The following CTNNA3 variants were observed in gnomAD, a reference collection of about 807,000 sequenced individuals.
CTNNA3 encodes the protein catenin alpha 3, also known as catenin alpha-3.
A neutral mutation model predicts 95.7 loss-of-function variants in CTNNA3; 76 were observed. The ratio of observed to expected loss-of-function variants is 0.79; its 90% CI spans 0.66 to 0.96. The LOEUF is 0.96. CTNNA3 is among the 40% of genes least tolerant of loss of function. CTNNA3 has a pLI of 0.00. For synonymous variants in CTNNA3, 431 were observed against 374.4 expected (o/e 1.15, Z -1.74); for missense variants, 1,191 against 1,089.8 (o/e 1.09, Z -1.31).
intron 17 of CTNNA3, among the ~76,000 whole-genome samples, chr10:65,957,750 G>T (rs2077762279): frequency 6.6e-6 from 1 of 152,198 alleles, no homozygotes; most frequent in Admixed American, 6.5e-5. Flanking sequence ...TCTGCCGAGA[G>T]ATCTGCTGTT....
intron 11 of CTNNA3, among the ~76,000 whole-genome samples, chr10:66,385,479 C>A (rs1399709255): frequency 6.6e-6 from 1 of 152,052 alleles, no homozygotes; most frequent in Non-Finnish European, 1.5e-5. Flanking sequence ...AGTCCAGGAC[C>A]AGAAGGATTC....
intron 3 of CTNNA3, among the ~76,000 whole-genome samples, chr10:67,592,041 T>C (rs1192874278): frequency 1.3e-5 from 2 of 152,096 alleles, no homozygotes; most frequent in African/African-American, 4.8e-5. Flanking sequence ...CTTTCATCCC[T>C]ATCTTACCCC....
At chr10:66,088,929 G>T (rs150647228) in intron 14 of CTNNA3, among the ~76,000 whole-genome samples, 58 of 152,070 alleles carry the variant, frequency 3.8e-4, no homozygotes, top group African/African-American at 1.3e-3. Flanking sequence ...GTGGGGTGAG[G>T]AGTCATTTCT....
intron 1 of CTNNA3, among the ~76,000 whole-genome samples, chr10:67,659,068 G>A (rs1840106257): frequency 6.6e-6 from 1 of 151,730 alleles, no homozygotes; most frequent in South Asian, 2.1e-4. Context: ...AATTAAACAT[G>A]TTTCCTCACA....
At chr10:67,554,320 T>C (rs543183242) in intron 3 of CTNNA3, among the ~76,000 whole-genome samples, 10 of 152,340 alleles carry the variant, frequency 6.6e-5, no homozygotes, top group African/African-American at 2.2e-4. Context: ...TTCTACATCC[T>C]TGAGGAATTG....
At chr10:67,745,796 A>G (rs1433540895) in intron 1 of CTNNA3, among the ~76,000 whole-genome samples, 1 of 152,148 alleles carries the variant, frequency 6.6e-6, no homozygotes, top group African/African-American at 2.4e-5. Flanking sequence ...AATCTGAAAA[A>G]GAAATTAAGA....
intron 14 of CTNNA3, chr10:66,098,870 C>T (rs1237549072): frequency 6.6e-6 from 1 of 152,164 alleles, no homozygotes; most frequent in African/African-American, 2.4e-5. Context: ...ACTGCTATTT[C>T]CATTGTCACT....
chr10:67,727,645 ATTAT>A (rs1841245487), intron 1 of CTNNA3, among the ~76,000 whole-genome samples: 1 of 128,220 alleles, frequency 7.8e-6, no homozygotes, highest in East Asian at 2.1e-4. Context: ...ATTATATATT[ATTAT>A]ATTATATATG....
rs184496633 is a variant in CTNNA3 at position 66,685,263 on chromosome 10, G to A, written c.1282-63479C>T. On this transcript the variant is annotated intron_variant, in intron 9 of 17. Coordinates refer to ENST00000433211, the MANE Select transcript of CTNNA3 (RefSeq NM_013266.4). ...TGTGTGTATATATACGTATATATGT[G>A]TGTATATATACGTATATATAAGTAT... Among the ~76,000 whole-genome samples the A allele has an allele frequency of 6.4e-4, 78 of 122,378 alleles. 3 individuals carry two copies. The East Asian group carries it at 0.017, about 27-fold the overall frequency. The allele number at this position is 122,378 out of a possible 152,430, so 80.3% of individuals were successfully genotyped here. A position where few individuals can be genotyped will look rare whatever the true frequency, so the allele number is the denominator to read the frequency against.
intron 1 of CTNNA3, among the ~76,000 whole-genome samples, chr10:67,685,647 A>T (rs551788526): frequency 6.6e-6 from 1 of 152,358 alleles, no homozygotes; most frequent in East Asian, 1.9e-4. Flanking sequence ...ACAAGGTGGT[A>T]TTTGAGTGTT....
At chr10:67,312,133 C>T (rs1453122534) in intron 5 of CTNNA3, among the ~76,000 whole-genome samples, 4 of 149,896 alleles carry the variant, frequency 2.7e-5, no homozygotes, top group Admixed American at 2.0e-4. Flanking sequence ...AGTGCAGTGG[C>T]ACAATCTCGG....
chr10:66,802,929 C>A (rs540808046), intron 7 of CTNNA3, among the ~76,000 whole-genome samples: 2 of 151,962 alleles, frequency 1.3e-5, no homozygotes, highest in South Asian at 4.1e-4. Context: ...TCAAAGAAAT[C>A]TGAACCTTGA....
At chr10:67,051,376 T>C (rs1434762534) in intron 7 of CTNNA3, among the ~76,000 whole-genome samples, 1 of 152,224 alleles carries the variant, frequency 6.6e-6, no homozygotes, top group Admixed American at 6.5e-5. Flanking sequence ...TTTCAATTGA[T>C]CTATTTTCCC....
intron 2 of CTNNA3, among the ~76,000 whole-genome samples, chr10:67,607,368 A>C (rs551942728): frequency 9.2e-5 from 14 of 152,352 alleles, no homozygotes; most frequent in African/African-American, 3.4e-4. Context: ...TTTGTTATTA[A>C]GAAAATCATA....
intron 17 of CTNNA3, among the ~76,000 whole-genome samples, chr10:65,931,276 C>A (rs548929645): frequency 5.8e-4 from 89 of 152,304 alleles, no homozygotes; most frequent in African/African-American, 2.1e-3. Context: ...TTTTGAAATA[C>A]ATATCTTTCT....
At chr10:66,301,262 A>G (rs2091859354) in intron 12 of CTNNA3, among the ~76,000 whole-genome samples, 1 of 152,066 alleles carries the variant, frequency 6.6e-6, no homozygotes, top group Admixed American at 6.6e-5. Context: ...AGGAAATTAT[A>G]CCAATTCTTT....
At chr10:67,225,792 C>A (rs1431335808) in intron 5 of CTNNA3, among the ~76,000 whole-genome samples, 1 of 152,130 alleles carries the variant, frequency 6.6e-6, no homozygotes, top group Non-Finnish European at 1.5e-5. Context: ...AAAAAAAAAT[C>A]TGGTAATATG....
chr10:66,691,216 G>T (rs71493992), intron 9 of CTNNA3, among the ~76,000 whole-genome samples: 1 of 151,996 alleles, frequency 6.6e-6, no homozygotes, highest in African/African-American at 2.4e-5. Context: ...CAAAGAAAGG[G>T]GTGACAGACG....
intron 11 of CTNNA3, among the ~76,000 whole-genome samples, chr10:66,445,895 T>C (rs866140348): frequency 6.6e-6 from 1 of 152,098 alleles, no homozygotes; most frequent in Non-Finnish European, 1.5e-5. Flanking sequence ...GCTGGTTTTT[T>C]GAAAAGATCA....
Sources: gnomAD v4.1 joint callset for allele counts (sites outside exome capture counted in the v4.1 genomes callset) on GRCh38, gnomAD v4.1.1 for gene constraint, MANE v1.5 for transcripts, NCBI Gene and HGNC (gene_info 2026-07-23, HGNC 2026-07-21) for gene names.